The following PIAS4 variants were observed in gnomAD, a reference collection of about 807,000 sequenced individuals.
PIAS4 encodes E3 SUMO-protein ligase PIAS4.
PIAS4 carries 7 observed loss-of-function variants against 58.0 expected under a neutral mutation model. The ratio of observed to expected loss-of-function variants is 0.12; its 90% CI spans 0.07 to 0.23. The LOEUF is 0.23. Among genes scored for constraint, PIAS4 ranks in the 10% least tolerant of loss-of-function variants. The pLI, the probability that PIAS4 is intolerant of heterozygous loss-of-function variation, is 1.00. For synonymous variants in PIAS4, 364 were observed against 312.4 expected (o/e 1.17, Z -1.74); for missense variants, 550 against 709.5 (o/e 0.78, Z 2.55).
Position 4,033,094 on chromosome 19 carries a change from C to G in PIAS4, c.908-6C>G. On this transcript the variant is annotated splice_region_variant and splice_polypyrimidine_tract_variant and intron_variant, in intron 7 of 10. Coordinates refer to ENST00000262971, the MANE Select transcript of PIAS4 (RefSeq NM_015897.4). ...CCTGACGGTGTCTTCCGTTCCCTCC[C>G]CACAGTCAAGGAGAAGCTGCGCCTT... 6.2e-7 allele frequency: 1 copy of G among 1,610,908 alleles called. No individual in the cohort carries two copies. Among genetic ancestry groups the G allele is most frequent in the South Asian group, 1.1e-5 (1 of 91,084 alleles).
rs988633071 is a variant in PIAS4 at position 4,016,783 on chromosome 19, A to G, written c.454+3434A>G. On this transcript the variant is annotated intron_variant, in intron 2 of 10. Coordinates refer to ENST00000262971, the MANE Select transcript of PIAS4 (RefSeq NM_015897.4). ...GCCGATGGCCAGAGAGGGCTCATTCATGGGGCTGAATGGAGTTCATTGTGG... is the reference window on the plus strand; with the variant it reads ...GCCGATGGCCAGAGAGGGCTCATTCGTGGGGCTGAATGGAGTTCATTGTGG... Among the ~76,000 whole-genome samples, 5 of 152,130 alleles carry G rather than the reference A, an allele frequency of 3.3e-5. No individual in the cohort carries two copies. The South Asian group carries it at 6.2e-4, about 19-fold the overall frequency.
chr19:4,036,291 C>CAA lies in PIAS4; in HGVS notation c.1143-1082_1143-1081insAA, dbSNP rs1403401352. On this transcript the variant is annotated intron_variant, in intron 9 of 10. Coordinates refer to ENST00000262971, the MANE Select transcript of PIAS4 (RefSeq NM_015897.4). ...CATCTATATGGTCTACACCGTCACACACACACACATCTATACAGTCCACAC... is the reference window on the plus strand; with the variant it reads ...CATCTATATGGTCTACACCGTCACACAAACACACACATCTATACAGTCCACAC... Among the ~76,000 whole-genome samples the CAA allele has an allele frequency of 2.4e-5, 3 of 125,502 alleles. 1 individual carries two copies. The highest frequency in any genetic ancestry group is 5.5e-5 in the Non-Finnish European group (3 of 54,758). The allele number at this position is 125,502 out of a possible 152,430, so 82.3% of individuals were successfully genotyped here.
chr19:4,033,996 T>TCTGG (rs139642323), intron 9 of PIAS4, among the ~76,000 whole-genome samples: 8,118 of 152,228 alleles, frequency 0.053, 717 homozygotes, highest in African/African-American at 0.18. Context: ...CCTGGAGCAC[T>TCTGG]CTGGCTACGC....
At position 4,039,329 on chromosome 19, in the gene PIAS4, T is replaced by A. The variant is rs2040337477; in HGVS notation, c.*1454T>A. ...CTGAAGGCCGCTGTTTTCTAATATTTGTATTCTAATTTAATTGTTTTTAAA... is the reference window on the plus strand; with the variant it reads ...CTGAAGGCCGCTGTTTTCTAATATTAGTATTCTAATTTAATTGTTTTTAAA... On this transcript the variant is annotated 3_prime_UTR_variant, in exon 11 of 11. Transcript: ENST00000262971. The A allele has an allele frequency of 6.6e-6, 1 of 152,248 alleles. No individual in the cohort carries two copies. The highest frequency in any genetic ancestry group is 6.5e-5 in the Admixed American group (1 of 15,286). 9.4% of individuals were successfully genotyped at this position (152,248 alleles called of 1,614,324 possible). A position where few individuals can be genotyped will look rare whatever the true frequency, so the allele number is the denominator to read the frequency against.
At chr19:4,015,838 G>T (rs1036177143) in intron 2 of PIAS4, among the ~76,000 whole-genome samples, 5 of 152,244 alleles carry the variant, frequency 3.3e-5, no homozygotes, top group African/African-American at 1.2e-4. Context: ...CCGGCTCCAG[G>T]ATGGAGACCG....
chr19:4,022,777 A>G (rs1372629426), intron 2 of PIAS4, among the ~76,000 whole-genome samples: 1 of 150,510 alleles, frequency 6.6e-6, no homozygotes, highest in Non-Finnish European at 1.5e-5. Context: ...GCTTCAGACA[A>G]TTCTCCTGCC....
rs538504321 is a variant in PIAS4, at chr19:4,038,242, C to T, written c.*367C>T. Reference sequence around the variant, plus strand: ...CCCCTCCGGATGCCCCGCCGCCCGCCGCCCTCTGCCCACGACCATTCCAGC... The same window carrying T: ...CCCCTCCGGATGCCCCGCCGCCCGCTGCCCTCTGCCCACGACCATTCCAGC... On this transcript the variant is annotated 3_prime_UTR_variant, in exon 11 of 11. Transcript: ENST00000262971. The surrounding 1 kb of genome is among the most constrained non-coding windows in gnomAD (Gnocchi z 4.1). 3 of 234,614 alleles carry T rather than the reference C, an allele frequency of 1.3e-5. No homozygotes were observed. Among genetic ancestry groups the T allele is most frequent in the Admixed American group, 1.2e-4 (2 of 17,098 alleles). 14.5% of individuals were successfully genotyped at this position (234,614 alleles called of 1,614,324 possible).
At position 4,037,544 on chromosome 19, in the gene PIAS4, G is replaced by A. The variant is rs2040312596; in HGVS notation, c.1273+40G>A. 1 of 1,607,800 alleles carries A rather than the reference G, an allele frequency of 6.2e-7. No individual in the cohort carries two copies. The highest frequency in any genetic ancestry group is 1.7e-5 in the Admixed American group (1 of 59,978). On this transcript the variant is annotated intron_variant, in intron 10 of 10. Coordinates refer to ENST00000262971, the MANE Select transcript of PIAS4 (RefSeq NM_015897.4). This position sits in a 1 kb window ranked among gnomAD's most constrained non-coding sequence, Gnocchi z 5.8. ...CCACCAGCCGCGCAGTCCGCAGCCA[G>A]GGCCGCCTCAGTTTCCCCATTTATC... is the stretch of plus-strand genomic sequence containing the variant.
rs966979454 is a variant in PIAS4, at chr19:4,007,950, C to T, written c.27+163C>T. 4.3e-4 allele frequency among the ~76,000 whole-genome samples: 65 copies of T among 150,116 alleles called. No homozygotes were observed. The South Asian group carries it at 0.013, about 31-fold the overall frequency. On this transcript the variant is annotated intron_variant, in intron 1 of 10. Transcript: ENST00000262971. ...CCGACCCCCGGTCTCAGGGTGAGGG[C>T]GGGGGGCGGGGAGGCCGGGGGCGGG...
rs1420078970 is a variant in PIAS4 at position 4,013,654 on chromosome 19, G to C, written c.454+305G>C. Among the ~76,000 whole-genome samples, 1 of 150,494 alleles carries C rather than the reference G, an allele frequency of 6.6e-6. No individual in the cohort carries two copies. The highest frequency in any genetic ancestry group is 1.5e-5 in the Non-Finnish European group (1 of 67,360). ...GGCTTGGGGGCTCTCATGAGGCTCAGTCAGGCTGGAGCCACCTCATCTGGA... is the reference window on the plus strand; with the variant it reads ...GGCTTGGGGGCTCTCATGAGGCTCACTCAGGCTGGAGCCACCTCATCTGGA... On this transcript the variant is annotated intron_variant, in intron 2 of 10. Transcript: ENST00000262971. This position sits in a 1 kb window ranked among gnomAD's most constrained non-coding sequence, Gnocchi z 5.1.
intron 4 of PIAS4, 98 bp from the exon 5 acceptor site, chr19:4,028,412 C>G: frequency 1.1e-6 from 1 of 935,472 alleles, no homozygotes; most frequent in South Asian, 1.5e-5. Flanking sequence ...TCCGGTGCCC[C>G]CATCACTGCC....
chr19:4,011,709 G>T (rs1046805877), intron 1 of PIAS4, among the ~76,000 whole-genome samples: 3,344 of 95,804 alleles, frequency 0.035, 306 homozygotes, highest in African/African-American at 0.16. Context: ...GAGGTGTGTG[G>T]GGTGTGGAGG....
chr19:4,027,229 C>T (rs918043989), intron 3 of PIAS4, among the ~76,000 whole-genome samples: 1 of 152,134 alleles, frequency 6.6e-6, no homozygotes, highest in African/African-American at 2.4e-5. Context: ...CTCAAGTGAC[C>T]CACCCACCTC....
intron 2 of PIAS4, among the ~76,000 whole-genome samples, chr19:4,021,750 T>C (rs1336099192): frequency 2.2e-4 from 33 of 146,684 alleles, no homozygotes; most frequent in African/African-American, 8.3e-4. Context: ...TTCTTTTTTT[T>C]TTTTTTTTTT....
chr19:4,019,828 C>A (rs1046390381), intron 2 of PIAS4, among the ~76,000 whole-genome samples: 1 of 152,192 alleles, frequency 6.6e-6, no homozygotes, highest in Admixed American at 6.5e-5. Flanking sequence ...CACCGGTCCC[C>A]GAAGAAACAG....
rs1347230091 is a variant in PIAS4, at chr19:4,026,482, C to A, written c.540-1664C>A. Among the ~76,000 whole-genome samples, 4 of 151,772 alleles carry A rather than the reference C, an allele frequency of 2.6e-5. No homozygotes were observed. In the East Asian group the frequency reaches 7.8e-4, roughly 29 times the overall value. On this transcript the variant is annotated intron_variant, in intron 3 of 10. Transcript: ENST00000262971. Reference sequence around the variant, plus strand: ...TATGATTTGCATACCATAGAATATACAGTTTTTAAGGGTGTCATCGAGTGG... The same window carrying A: ...TATGATTTGCATACCATAGAATATAAAGTTTTTAAGGGTGTCATCGAGTGG...
At position 4,033,066 on chromosome 19, in the gene PIAS4, C is replaced by T. The variant is rs757622959; in HGVS notation, c.908-34C>T. 14 of 1,581,506 alleles carry T rather than the reference C, an allele frequency of 8.9e-6. No individual in the cohort carries two copies. In the East Asian group the frequency reaches 2.0e-4, roughly 23 times the overall value. ...CAGCCCCGCGCCCTGCTGTTCCCAC[C>T]CTCCTGACGGTGTCTTCCGTTCCCT... is the stretch of plus-strand genomic sequence containing the variant. On this transcript the variant is annotated intron_variant, in intron 7 of 10. Transcript: ENST00000262971.
chr19:4,032,523 A>G (rs1399719374), intron 7 of PIAS4, among the ~76,000 whole-genome samples: 1 of 152,180 alleles, frequency 6.6e-6, no homozygotes, highest in Non-Finnish European at 1.5e-5. Flanking sequence ...CCTGCCTCCA[A>G]GACTTCATGT....
At chr19:4,026,181 G>C (rs767042809) in intron 3 of PIAS4, among the ~76,000 whole-genome samples, 19 of 145,708 alleles carry the variant, frequency 1.3e-4, no homozygotes, top group Non-Finnish European at 2.1e-4. Context: ...TCGCCAGGCT[G>C]GAGTGCAGTG....
Sources: allele counts gnomAD v4.1 joint callset (sites outside exome capture counted in the v4.1 genomes callset), GRCh38; gene constraint gnomAD v4.1.1; non-coding constraint Gnocchi (gnomAD v3.1); transcripts MANE v1.5; gene names NCBI Gene and HGNC (gene_info 2026-07-23, HGNC 2026-07-21).